PHKB: variants seen among roughly 807,000 people sequenced by gnomAD.
PHKB encodes phosphorylase b kinase regulatory subunit beta.
Under a neutral mutation model 152.1 loss-of-function variants are expected in PHKB, and 122 were observed. The ratio of observed to expected loss-of-function variants is 0.80; its 90% CI spans 0.69 to 0.93. PHKB has a LOEUF of 0.93. Ranked by LOEUF, PHKB falls within the 40% of genes least tolerant of loss-of-function variation. The pLI is 0.00. For synonymous variants in PHKB, 436 were observed against 464.9 expected (o/e 0.94, Z 0.80); for missense variants, 1,304 against 1,328.4 (o/e 0.98, Z 0.29).
At chr16:47,478,682 C>G (rs1195054741) in intron 1 of PHKB, among the ~76,000 whole-genome samples, 1 of 151,986 alleles carries the variant, frequency 6.6e-6, no homozygotes, top group Non-Finnish European at 1.5e-5. Context: ...TAGCTCTCAA[C>G]AGTACTTTGC....
At chr16:47,519,645 T>C (rs996013631) in intron 6 of PHKB, among the ~76,000 whole-genome samples, 2 of 152,166 alleles carry the variant, frequency 1.3e-5, no homozygotes, top group Admixed American at 6.5e-5. Context: ...GATAAAAAAA[T>C]ACAGTGCTTT....
intron 10 of PHKB, among the ~76,000 whole-genome samples, chr16:47,591,943 C>A (rs895690468): frequency 2.6e-5 from 4 of 152,160 alleles, no homozygotes; most frequent in Non-Finnish European, 5.9e-5. Context: ...GCTAGTGGAT[C>A]TGGGGCGATT....
chr16:47,584,020 C>A lies in PHKB; in HGVS notation c.775-3648C>A, dbSNP rs994236014. Among the ~76,000 whole-genome samples, 5 of 151,730 alleles carry A rather than the reference C, an allele frequency of 3.3e-5. No homozygotes were observed. The East Asian group carries it at 9.7e-4, about 29-fold the overall frequency. On this transcript the variant is annotated intron_variant, in intron 8 of 30. Transcript: ENST00000323584. ...GTTATGATTATTATGCGTTCCTATA[C>A]TTCCTCCTTTTTTTCCAATAATAAC...
chr16:47,468,804 A>G (rs1367127175), intron 1 of PHKB, among the ~76,000 whole-genome samples: 2 of 152,178 alleles, frequency 1.3e-5, no homozygotes, highest in African/African-American at 4.8e-5. Context: ...GGTCCATAAG[A>G]TGCAATCTAA....
At chr16:47,619,458 G>A (rs1442763893) in intron 14 of PHKB, 3 of 152,152 alleles carry the variant, frequency 2.0e-5, no homozygotes, top group Non-Finnish European at 2.9e-5. Flanking sequence ...ATATCATCAT[G>A]TTAATTATTT....
At position 47,698,538 on chromosome 16, in the gene PHKB, T is replaced by G; in HGVS notation, c.3094T>G (p.Phe1032Val). The change falls in exon 30 of 31, where the codon TTT (phenylalanine) becomes GTT (valine). Residue 1032 changes from phenylalanine to valine, a missense_variant. Phe to Val is a conservative substitution (Grantham distance 50). Coordinates refer to ENST00000323584, the MANE Select transcript of PHKB (RefSeq NM_000293.3). ...VDLDRLVKEA[F>V]NEFQKDQSRL... ...TCTAGACAGACTGGTCAAAGAAGCA[T>G]TTAATGAATTTCAAAAAGATCAGAG... 4 of 1,611,322 alleles carry G rather than the reference T, an allele frequency of 2.5e-6. No individual in the cohort carries two copies. Among genetic ancestry groups the G allele is most frequent in the Non-Finnish European group, 3.4e-6 (4 of 1,178,468 alleles).
chr16:47,695,055 A>G (rs1424029550), intron 28 of PHKB, among the ~76,000 whole-genome samples: 4 of 152,242 alleles, frequency 2.6e-5, no homozygotes, highest in Admixed American at 6.5e-5. Context: ...GTTTGACAGA[A>G]GAGGACACAA....
At chr16:47,579,839 A>C (rs1252058603) in intron 7 of PHKB, among the ~76,000 whole-genome samples, 3 of 152,204 alleles carry the variant, frequency 2.0e-5, no homozygotes, top group Non-Finnish European at 4.4e-5. Flanking sequence ...TTTGAAGGAT[A>C]CTTTAAGCCA....
intron 16 of PHKB, among the ~76,000 whole-genome samples, chr16:47,644,707 A>G (rs894017429): frequency 1.3e-5 from 2 of 152,236 alleles, no homozygotes; most frequent in Non-Finnish European, 2.9e-5. Flanking sequence ...ATTTAAATAT[A>G]AAAGCACTAG....
At chr16:47,619,070 C>G (rs991080900) in intron 14 of PHKB, 1 of 152,140 alleles carries the variant, frequency 6.6e-6, no homozygotes, top group Non-Finnish European at 1.5e-5. Flanking sequence ...GCCACTTCTA[C>G]CCACATTATA....
At chr16:47,529,722 G>A (rs2151660946) in intron 6 of PHKB, 1 of 152,256 alleles carries the variant, frequency 6.6e-6, no homozygotes, top group East Asian at 1.9e-4. Flanking sequence ...CCAGAACTTG[G>A]TCACACAACC....
At chr16:47,506,115 A>T (rs1386616314) in intron 4 of PHKB, among the ~76,000 whole-genome samples, 2 of 151,456 alleles carry the variant, frequency 1.3e-5, no homozygotes, top group African/African-American at 2.4e-5. Context: ...GCACTTTGGG[A>T]GGCTGAGGCA....
chr16:47,510,981 T>C (rs1292901331), intron 4 of PHKB, among the ~76,000 whole-genome samples: 3 of 152,220 alleles, frequency 2.0e-5, no homozygotes, highest in African/African-American at 7.2e-5. Context: ...CCATGTTGAA[T>C]TGAACAGGCC....
intron 6 of PHKB, among the ~76,000 whole-genome samples, chr16:47,539,299 A>G (rs549445752): frequency 1.9e-4 from 29 of 152,208 alleles, no homozygotes; most frequent in Non-Finnish European, 3.7e-4. Context: ...TTTCAGGATA[A>G]TGAATAAACT....
At chr16:47,530,132 CTTT>C (rs201960518) in intron 6 of PHKB, among the ~76,000 whole-genome samples, 3 of 129,716 alleles carry the variant, frequency 2.3e-5, no homozygotes, top group African/African-American at 5.6e-5. Flanking sequence ...ATATAAACTC[CTTT>C]TTTTTTTTTT....
At chr16:47,673,351 T>C (rs1456892469) in intron 26 of PHKB, among the ~76,000 whole-genome samples, 1 of 152,170 alleles carries the variant, frequency 6.6e-6, no homozygotes, top group Non-Finnish European at 1.5e-5. Context: ...AGCATGTCTC[T>C]GTACTCTTAG....
chr16:47,642,888 A>G (rs1042833661), intron 16 of PHKB, among the ~76,000 whole-genome samples: 1 of 152,214 alleles, frequency 6.6e-6, no homozygotes, highest in Non-Finnish European at 1.5e-5. Flanking sequence ...TAATGGTACA[A>G]GGCAAGGAGC....
chr16:47,521,570 G>T (rs1181769870), intron 6 of PHKB, among the ~76,000 whole-genome samples: 1 of 151,980 alleles, frequency 6.6e-6, no homozygotes, highest in Non-Finnish European at 1.5e-5. Context: ...CAGGAGAATT[G>T]CTTGAACCCG....
intron 25 of PHKB, chr16:47,665,557 C>T: frequency 3.3e-6 from 1 of 304,936 alleles, no homozygotes; most frequent in South Asian, 3.3e-5. Context: ...AGAAATAGGT[C>T]ACATGTACTA....
Sources: allele counts gnomAD v4.1 joint callset (sites outside exome capture counted in the v4.1 genomes callset), GRCh38; gene constraint gnomAD v4.1.1; transcripts MANE v1.5; gene names NCBI Gene and HGNC (gene_info 2026-07-23, HGNC 2026-07-21).